NOL4L: variants seen among roughly 807,000 people sequenced by gnomAD.
NOL4L encodes the protein nucleolar protein 4 like, also known as nucleolar protein 4-like.
NOL4L carries 7 observed loss-of-function variants against 64.5 expected under a neutral mutation model. That is an observed-to-expected ratio of 0.11 (90% confidence interval 0.06 to 0.20). NOL4L has a LOEUF of 0.20. Among genes scored for constraint, NOL4L ranks in the 10% least tolerant of loss-of-function variants. The pLI, the probability that NOL4L is intolerant of heterozygous loss-of-function variation, is 1.00. For synonymous variants in NOL4L, 413 were observed against 401.0 expected, an observed-to-expected ratio of 1.03 and a Z score of -0.36; for missense variants, 680 against 967.1, an observed-to-expected ratio of 0.70 and a Z score of 3.94.
Position 32,463,966 on chromosome 20 carries a change from G to A in NOL4L, c.842-7571C>T, listed in dbSNP as rs190153353. 1.1e-3 allele frequency among the ~76,000 whole-genome samples: 165 copies of A among 152,296 alleles called. 1 individual carries two copies. The highest frequency in any genetic ancestry group is 1.5e-4 in the Non-Finnish European group (10 of 68,010). On this transcript the variant is annotated intron_variant, in intron 5 of 10. Coordinates refer to ENST00000621426, the MANE Select transcript of NOL4L (RefSeq NM_001256798.2). This position sits in a 1 kb window ranked among gnomAD's most constrained non-coding sequence, Gnocchi z 5.8. ...GACTGCCTTCCGTGTCCAGAGGTGT[G>A]GCTGCTGGAGGCAGTGCCGCCTCCA... is the stretch of plus-strand genomic sequence containing the variant.
intron 4 of NOL4L, among the ~76,000 whole-genome samples, chr20:32,485,183 A>C (rs2016036143): frequency 6.6e-6 from 1 of 151,634 alleles, no homozygotes; most frequent in Non-Finnish European, 1.5e-5. Context: ...TTACGCTACC[A>C]TTCATTCACG....
chr20:32,546,982 C>T (rs968426493), intron 1 of NOL4L, among the ~76,000 whole-genome samples: 2 of 152,220 alleles, frequency 1.3e-5, no homozygotes, highest in East Asian at 3.8e-4. Flanking sequence ...CCAGAGGGAC[C>T]TTGGGCATTC....
chr20:32,573,408 T>A (rs1424021926), intron 1 of NOL4L, among the ~76,000 whole-genome samples: 4 of 151,832 alleles, frequency 2.6e-5, no homozygotes, highest in African/African-American at 9.7e-5. Context: ...AGAGATCCAC[T>A]GAAACCCCGG....
At chr20:32,553,677 G>T (rs1314323310) in intron 1 of NOL4L, among the ~76,000 whole-genome samples, 2 of 152,204 alleles carry the variant, frequency 1.3e-5, no homozygotes, top group Non-Finnish European at 2.9e-5. Flanking sequence ...CTAGCACCAA[G>T]AACAGATCAA....
At chr20:32,578,613 G>C (rs1419496548) in intron 1 of NOL4L, among the ~76,000 whole-genome samples, 3 of 152,212 alleles carry the variant, frequency 2.0e-5, no homozygotes, top group Non-Finnish European at 4.4e-5. Flanking sequence ...GCCTGGCTTT[G>C]ACATGAGTGA....
chr20:32,485,742 C>T (rs539653152), intron 4 of NOL4L: 11 of 470,738 alleles, frequency 2.3e-5, no homozygotes, highest in African/African-American at 1.2e-4. Flanking sequence ...TGTTTCCAAA[C>T]GCGGGAACTG....
intron 4 of NOL4L, among the ~76,000 whole-genome samples, chr20:32,506,384 C>T (rs999930646): frequency 1.3e-5 from 2 of 151,938 alleles, no homozygotes; most frequent in African/African-American, 4.8e-5. Context: ...AAGCCAGGCC[C>T]GGCACGGTGG....
intron 1 of NOL4L, among the ~76,000 whole-genome samples, chr20:32,560,166 C>T (rs973611159): frequency 2.0e-5 from 3 of 152,242 alleles, no homozygotes; most frequent in Admixed American, 6.5e-5. Context: ...ACTCCTCTCC[C>T]AGCCCCGTCA....
chr20:32,560,438 G>C (rs1017619348), intron 1 of NOL4L, among the ~76,000 whole-genome samples: 7 of 152,188 alleles, frequency 4.6e-5, no homozygotes, highest in Admixed American at 6.5e-5. Flanking sequence ...ACTCACCCCC[G>C]ACCCAGGTCT....
intron 1 of NOL4L, among the ~76,000 whole-genome samples, chr20:32,564,794 G>T (rs1257622943): frequency 6.6e-6 from 1 of 152,274 alleles, no homozygotes; most frequent in African/African-American, 2.4e-5. Context: ...CAGCAGCCCA[G>T]TGCCTCGGGG....
At chr20:32,561,642 G>C (rs1359087631) in intron 1 of NOL4L, among the ~76,000 whole-genome samples, 1 of 152,140 alleles carries the variant, frequency 6.6e-6, no homozygotes, top group Non-Finnish European at 1.5e-5. Context: ...AGCCAGGGTT[G>C]GGCTTGGGGA....
In NOL4L at chr20:32,453,083, G is replaced by A. The variant is rs1302427012; in HGVS notation, c.1498-77C>T. On this transcript the variant is annotated intron_variant, in intron 8 of 10. Coordinates refer to ENST00000621426, the MANE Select transcript of NOL4L (RefSeq NM_001256798.2). This position sits in a 1 kb window ranked among gnomAD's most constrained non-coding sequence, Gnocchi z 5.6. ...CTTGTGCAGAGACCCTGCCCCAGGG[G>A]TGGGTGGCACAGGGTGGGGTTTGGG... 1 of 1,586,360 alleles carries A rather than the reference G, an allele frequency of 6.3e-7. No homozygotes were observed. The highest frequency in any genetic ancestry group is 8.6e-7 in the Non-Finnish European group (1 of 1,167,010).
intron 4 of NOL4L, among the ~76,000 whole-genome samples, chr20:32,506,489 C>A (rs2017145299): frequency 6.6e-6 from 1 of 152,066 alleles, no homozygotes; most frequent in African/African-American, 2.4e-5. Context: ...TGGAGAAACC[C>A]CATCTCTACT....
chr20:32,501,565 A>G (rs1475984049), intron 4 of NOL4L, among the ~76,000 whole-genome samples: 2 of 152,226 alleles, frequency 1.3e-5, no homozygotes, highest in Non-Finnish European at 2.9e-5. Context: ...GTATCACCTT[A>G]ATATAAGACA....
At chr20:32,475,999 G>A (rs1410682862) in intron 4 of NOL4L, among the ~76,000 whole-genome samples, 1 of 152,074 alleles carries the variant, frequency 6.6e-6, no homozygotes, top group Non-Finnish European at 1.5e-5. Flanking sequence ...CAGGAGCTGG[G>A]CTGTGACGCC....
chr20:32,475,354 G>A (rs1443236171), intron 4 of NOL4L: 2 of 985,348 alleles, frequency 2.0e-6, no homozygotes, highest in Non-Finnish European at 2.4e-6. Context: ...CCCCAGAAGT[G>A]CAGAGAAGGA....
intron 4 of NOL4L, among the ~76,000 whole-genome samples, chr20:32,498,180 G>C (rs187073265): frequency 3.9e-5 from 6 of 152,286 alleles, no homozygotes; most frequent in Non-Finnish European, 7.4e-5. Flanking sequence ...GGTGGTGGCT[G>C]TTTTCCACTT....
At chr20:32,454,673 G>A (rs2013298114) in intron 6 of NOL4L, among the ~76,000 whole-genome samples, 1 of 152,244 alleles carries the variant, frequency 6.6e-6, no homozygotes, top group Non-Finnish European at 1.5e-5. Context: ...GAAAGTTTGT[G>A]CCTTCGATGT....
At chr20:32,547,515 T>C (rs1022831607) in intron 1 of NOL4L, among the ~76,000 whole-genome samples, 1 of 152,116 alleles carries the variant, frequency 6.6e-6, no homozygotes, top group Non-Finnish European at 1.5e-5. Context: ...GGTCTTGAAC[T>C]CCTGGGCTCA....
Sources: allele counts gnomAD v4.1 joint callset (sites outside exome capture counted in the v4.1 genomes callset), GRCh38; gene constraint gnomAD v4.1.1; non-coding constraint Gnocchi (gnomAD v3.1); transcripts MANE v1.5; gene names NCBI Gene and HGNC (gene_info 2026-07-23, HGNC 2026-07-21).